The following GABRG1 variants were observed in gnomAD, a reference collection of about 807,000 sequenced individuals.
GABRG1 encodes gamma-aminobutyric acid receptor subunit gamma-1.
In GABRG1, 49 loss-of-function variants were observed where a neutral mutation model predicts 49.8. The observed-to-expected ratio is 0.98, with a 90% confidence interval of 0.78 to 1.25. GABRG1 has a LOEUF of 1.25. Ranked by LOEUF, GABRG1 falls within the 50% of genes most tolerant of loss-of-function variation. GABRG1 has a pLI of 0.00. For missense variants in GABRG1, 552 were observed against 552.3 expected (o/e 1.00, Z 0.01); for synonymous variants, 232 against 185.1 (o/e 1.25, Z -2.06).
At chr4:46,057,499 G>T (rs1015996998) in intron 7 of GABRG1, among the ~76,000 whole-genome samples, 7 of 152,086 alleles carry the variant, frequency 4.6e-5, no homozygotes, top group African/African-American at 1.4e-4. Flanking sequence ...ATACCTGATT[G>T]CAGGTTATCA....
At chr4:46,074,754 T>C (rs1719262354) in intron 3 of GABRG1, among the ~76,000 whole-genome samples, 1 of 152,144 alleles carries the variant, frequency 6.6e-6, no homozygotes, top group Admixed American at 6.6e-5. Context: ...AAATAACACA[T>C]TGAATAAGGG....
At chr4:46,050,956 T>C (rs1356892293) in intron 8 of GABRG1, among the ~76,000 whole-genome samples, 1 of 151,810 alleles carries the variant, frequency 6.6e-6, no homozygotes, top group Non-Finnish European at 1.5e-5. Flanking sequence ...GTGATATAAG[T>C]TAAGGTAATT....
At chr4:46,061,776 C>T (rs1718685892) in intron 5 of GABRG1, among the ~76,000 whole-genome samples, 1 of 148,264 alleles carries the variant, frequency 6.7e-6, no homozygotes, top group African/African-American at 2.5e-5. Flanking sequence ...AAAAATACAA[C>T]ATTGAGCAAT....
At chr4:46,059,180 A>T (rs1316031284) in intron 5 of GABRG1, among the ~76,000 whole-genome samples, 2 of 152,138 alleles carry the variant, frequency 1.3e-5, no homozygotes, top group Non-Finnish European at 2.9e-5. Context: ...TTTATCTATT[A>T]TACTGTTTTA....
At chr4:46,088,711 T>C (rs1719868866) in intron 2 of GABRG1, among the ~76,000 whole-genome samples, 1 of 150,848 alleles carries the variant, frequency 6.6e-6, no homozygotes, top group South Asian at 2.1e-4. Context: ...AATACAGGCA[T>C]GGTATAGTGT....
chr4:46,074,650 T>C (rs891609920), intron 3 of GABRG1, among the ~76,000 whole-genome samples: 8 of 152,292 alleles, frequency 5.3e-5, no homozygotes, highest in African/African-American at 1.4e-4. Context: ...CTTCACATTT[T>C]AATTAAACTG....
chr4:46,068,646 A>T (rs556758879), intron 3 of GABRG1, among the ~76,000 whole-genome samples: 47 of 152,170 alleles, frequency 3.1e-4, no homozygotes, highest in African/African-American at 1.1e-3. Context: ...GCCCTTTTAA[A>T]TTGCTAATTT....
At chr4:46,123,142 A>ACG (rs1721143239) in intron 1 of GABRG1, among the ~76,000 whole-genome samples, 2 of 148,376 alleles carry the variant, frequency 1.3e-5, no homozygotes, top group Non-Finnish European at 3.0e-5. Flanking sequence ...ACACACACAC[A>ACG]CAGAGCCAAG....
intron 8 of GABRG1, among the ~76,000 whole-genome samples, chr4:46,045,948 A>G (rs1297727934): frequency 6.6e-6 from 1 of 152,140 alleles, no homozygotes; most frequent in Admixed American, 6.6e-5. Flanking sequence ...TTTGTACCAA[A>G]GAGTTATAGA....
intron 1 of GABRG1, among the ~76,000 whole-genome samples, chr4:46,117,442 A>T (rs1720932617): frequency 6.7e-6 from 1 of 150,158 alleles, no homozygotes; most frequent in African/African-American, 2.4e-5. Flanking sequence ...GCCACATCTT[A>T]CACAACCAGA....
At chr4:46,101,443 C>T (rs1158368561) in intron 1 of GABRG1, among the ~76,000 whole-genome samples, 1 of 150,900 alleles carries the variant, frequency 6.6e-6, no homozygotes, top group African/African-American at 2.4e-5. Flanking sequence ...TAGTCTCAGC[C>T]CTTGACTCCA....
chr4:46,044,891 G>C (rs917955173), intron 8 of GABRG1, among the ~76,000 whole-genome samples: 1 of 152,028 alleles, frequency 6.6e-6, no homozygotes, highest in Non-Finnish European at 1.5e-5. Context: ...AGAAAGGTTA[G>C]GGCTCTTGAT....
chr4:46,087,560 A>T (rs1719825157), intron 2 of GABRG1, among the ~76,000 whole-genome samples: 1 of 151,870 alleles, frequency 6.6e-6, no homozygotes, highest in Admixed American at 6.6e-5. Context: ...AATAAAAATG[A>T]AAATAATGTT....
At chr4:46,122,484 AT>A (rs533901077) in intron 1 of GABRG1, among the ~76,000 whole-genome samples, 12 of 152,024 alleles carry the variant, frequency 7.9e-5, no homozygotes, top group Non-Finnish European at 1.2e-4. Flanking sequence ...TTCATCCAGT[AT>A]TATGTTTATG....
chr4:46,121,025 A>G (rs1390000370), intron 1 of GABRG1, among the ~76,000 whole-genome samples: 1 of 151,870 alleles, frequency 6.6e-6, no homozygotes, highest in African/African-American at 2.4e-5. Context: ...AATGATACAC[A>G]GGAACCATGA....
intron 8 of GABRG1, among the ~76,000 whole-genome samples, chr4:46,044,267 G>A (rs1717901930): frequency 6.6e-6 from 1 of 152,072 alleles, no homozygotes; most frequent in African/African-American, 2.4e-5. Flanking sequence ...GAGCCCAGGA[G>A]TTTGAGACCA....
chr4:46,058,142 G>T, intron 7 of GABRG1, 75 bp downstream of exon 7: 1 of 1,380,342 alleles, frequency 7.2e-7, no homozygotes, highest in South Asian at 1.5e-5. Context: ...TAATAAATGT[G>T]ACTATGAACT....
intron 8 of GABRG1, among the ~76,000 whole-genome samples, chr4:46,047,765 C>T (rs1165869470): frequency 6.6e-6 from 1 of 151,926 alleles, no homozygotes; most frequent in African/African-American, 2.4e-5. Flanking sequence ...TGTTAATTCC[C>T]TCACAGACTC....
intron 1 of GABRG1, among the ~76,000 whole-genome samples, chr4:46,103,060 T>C (rs1720432714): frequency 6.6e-6 from 1 of 151,616 alleles, no homozygotes; most frequent in Admixed American, 6.6e-5. Flanking sequence ...CTTTGGATGA[T>C]TAATGATCTA....
Sources: allele counts gnomAD v4.1 joint callset (sites outside exome capture counted in the v4.1 genomes callset), GRCh38; gene constraint gnomAD v4.1.1; transcripts MANE v1.5; gene names NCBI Gene and HGNC (gene_info 2026-07-23, HGNC 2026-07-21).